The following GFM2 variants were observed in gnomAD, a reference collection of about 807,000 sequenced individuals.
GFM2 encodes the protein GTP dependent ribosome recycling factor mitochondrial 2, also known as ribosome-releasing factor 2, mitochondrial.
GFM2 carries 72 observed loss-of-function variants against 95.4 expected under a neutral mutation model. That is an observed-to-expected ratio of 0.76 (90% confidence interval 0.62 to 0.92). The LOEUF is 0.92. Among genes scored for constraint, GFM2 ranks in the 40% least tolerant of loss-of-function variants. GFM2 has a pLI of 0.00. For missense variants in GFM2, 825 were observed against 924.1 expected (o/e 0.89, Z 1.39); for synonymous variants, 276 against 317.5 (o/e 0.87, Z 1.39).
intron 10 of GFM2, among the ~76,000 whole-genome samples, chr5:74,742,650 A>G (rs927440281): frequency 1.3e-5 from 2 of 151,590 alleles, no homozygotes; most frequent in Admixed American, 6.6e-5. Context: ...AATATACACA[A>G]CATAAAGTTT....
In GFM2 at chr5:74,736,498, C is replaced by A. The variant is rs1742840739; in HGVS notation, c.1510+298G>T. On this transcript the variant is annotated intron_variant, in intron 15 of 20. Transcript: ENST00000296805. Reference sequence around the variant, plus strand: ...GGTTATGAATCAGTTACTGTCTAATCTAATATACTAGAAGGGCAGTTCTAA... The same window carrying A: ...GGTTATGAATCAGTTACTGTCTAATATAATATACTAGAAGGGCAGTTCTAA... 13 of 984,902 alleles carry A rather than the reference C, an allele frequency of 1.3e-5. No individual in the cohort carries two copies. In the Admixed American group the frequency reaches 4.3e-4, roughly 33 times the overall value. 61.0% of individuals were successfully genotyped at this position (984,902 alleles called of 1,614,324 possible). A position where few individuals can be genotyped will look rare whatever the true frequency, so the allele number is the denominator to read the frequency against.
At chr5:74,766,513 A>C (rs1198901412) in intron 1 of GFM2, among the ~76,000 whole-genome samples, 1 of 152,122 alleles carries the variant, frequency 6.6e-6, no homozygotes, top group African/African-American at 2.4e-5. Context: ...CTGGTAGTTA[A>C]TTACTTCTTG....
intron 1 of GFM2, among the ~76,000 whole-genome samples, chr5:74,766,094 C>G (rs1744580163): frequency 6.6e-6 from 1 of 152,186 alleles, no homozygotes; most frequent in South Asian, 2.1e-4. Context: ...TCGCTCGTAC[C>G]CGGGAGTTCG....
chr5:74,751,454 T>C lies in GFM2; in HGVS notation c.344A>G (p.Gln115Arg). 1 of 1,610,932 alleles carries C rather than the reference T, an allele frequency of 6.2e-7. No individual in the cohort carries two copies. The highest frequency in any genetic ancestry group is 8.5e-7 in the Non-Finnish European group (1 of 1,177,124). The change falls in exon 6 of 21, where the codon CAA (glutamine) becomes CGA (arginine). Residue 115 changes from glutamine (Q) to arginine (R), a missense_variant. Gln to Arg is a conservative substitution (Grantham distance 43, BLOSUM62 1). Transcript: ENST00000296805. ...DGDTVTDFMAQERERGITIQS... is the reference protein window; with the variant it reads ...DGDTVTDFMARERERGITIQS... ...AATAGTAATGCCTCTTTCTCGCTCT[T>C]GGGCCATGAAATCTGTCACTGTGTC...
At chr5:74,729,185 G>A (rs1266573896) in intron 17 of GFM2, among the ~76,000 whole-genome samples, 2 of 152,146 alleles carry the variant, frequency 1.3e-5, no homozygotes, top group African/African-American at 4.8e-5. Context: ...GTTTTTCAGG[G>A]CACACTGGTT....
chr5:74,750,750 G>A lies in GFM2; in HGVS notation c.431-83C>T, dbSNP rs1405159446. ...AGCAATCTCACATCTCACTCCTGGG[G>A]AGGGGTGTGTGTGTATATATATGTG... is the stretch of plus-strand genomic sequence containing the variant. On this transcript the variant is annotated intron_variant, in intron 6 of 20. Transcript: ENST00000296805. 24 of 965,614 alleles carry A rather than the reference G, an allele frequency of 2.5e-5. No homozygotes were observed. The East Asian group carries it at 5.6e-4, about 23-fold the overall frequency. The allele number at this position is 965,614 out of a possible 1,614,324, so 59.8% of individuals were successfully genotyped here.
At chr5:74,724,771 T>TA (rs1261967877) in intron 19 of GFM2, among the ~76,000 whole-genome samples, 1 of 152,142 alleles carries the variant, frequency 6.6e-6, no homozygotes, top group African/African-American at 2.4e-5. Flanking sequence ...GTCCAAGTAT[T>TA]AAAAAATGGC....
At chr5:74,746,527 T>A (rs893078597) in intron 8 of GFM2, among the ~76,000 whole-genome samples, 2 of 152,206 alleles carry the variant, frequency 1.3e-5, no homozygotes, top group African/African-American at 4.8e-5. Context: ...AGCCAAGGAT[T>A]CTTTCTTCTA....
At chr5:74,747,388 G>T (rs913394999) in intron 8 of GFM2, among the ~76,000 whole-genome samples, 2 of 152,178 alleles carry the variant, frequency 1.3e-5, no homozygotes, top group Non-Finnish European at 2.9e-5. Flanking sequence ...GACTATACCT[G>T]TGTTCTAAAG....
rs139811846 is a variant in GFM2 at position 74,750,602 on chromosome 5, A to G, written c.496T>C (p.Phe166Leu). The G allele has an allele frequency of 3.1e-6, 5 of 1,612,632 alleles. No homozygotes were observed. The highest frequency in any genetic ancestry group is 1.7e-5 in the Admixed American group (1 of 59,938). Reference sequence around the variant, plus strand: ...ACCTCTACACCAGCAGAGGCATCAAATACAGCCACTGCACCATCCAACACT... The same window carrying G: ...ACCTCTACACCAGCAGAGGCATCAAGTACAGCCACTGCACCATCCAACACT... ...LRVLDGAVAV[F>L]DASAGVEAQT... The change falls in exon 7 of 21, where the codon TTT becomes CTT. Residue 166 changes from phenylalanine to leucine, a missense_variant. Physicochemically the swap from Phe to Leu is conservative, Grantham distance 22. Transcript: ENST00000296805.
intron 9 of GFM2, 100 bp downstream of exon 9, chr5:74,746,005 C>A: frequency 1.8e-6 from 2 of 1,083,898 alleles, no homozygotes; most frequent in Admixed American, 2.7e-5. Context: ...TATACCCCAA[C>A]TTCTTCAAAA....
intron 20 of GFM2, 66 bp downstream of exon 20, chr5:74,722,313 A>G: frequency 1.6e-6 from 2 of 1,239,080 alleles, no homozygotes; most frequent in Non-Finnish European, 2.3e-6. Context: ...CTGATTGTCT[A>G]TTCATTGGCA....
intron 1 of GFM2, among the ~76,000 whole-genome samples, chr5:74,766,493 G>A (rs192035909): frequency 6.6e-6 from 1 of 152,252 alleles, no homozygotes; most frequent in African/African-American, 2.4e-5. Flanking sequence ...TATTTAAGTA[G>A]ACGTACTTTC....
rs1743711301 is a variant in GFM2 at position 74,751,510 on chromosome 5, T to C, written c.305-17A>G. 1 of 1,597,288 alleles carries C rather than the reference T, an allele frequency of 6.3e-7. No homozygotes were observed. The highest frequency in any genetic ancestry group is 1.1e-5 in the South Asian group (1 of 90,632). On this transcript the variant is annotated splice_polypyrimidine_tract_variant and intron_variant, in intron 5 of 20. Coordinates refer to ENST00000296805, the MANE Select transcript of GFM2 (RefSeq NM_032380.5). ...CATCAACATCTAGCCAGGAAAAAGATGATACAGTTTAGTCTTAATAGCAAG... is the reference window on the plus strand; with the variant it reads ...CATCAACATCTAGCCAGGAAAAAGACGATACAGTTTAGTCTTAATAGCAAG...
chr5:74,751,549 T>C, intron 5 of GFM2, 56 bp from the exon 6 acceptor site: 2 of 1,345,908 alleles, frequency 1.5e-6, no homozygotes, highest in East Asian at 2.3e-5. Flanking sequence ...ATTTTATTCG[T>C]GCTCAATATC....
chr5:74,726,159 T>G, intron 17 of GFM2, 33 bp from the exon 18 acceptor site: 1 of 1,524,310 alleles, frequency 6.6e-7, no homozygotes, highest in Non-Finnish European at 8.9e-7. Flanking sequence ...ACCTCAGAGA[T>G]TAATTCTGGA....
At chr5:74,758,779 G>A (rs1392395429) in intron 5 of GFM2, 70 bp downstream of exon 5, 1 of 977,096 alleles carries the variant, frequency 1.0e-6, no homozygotes, top group East Asian at 2.4e-5. Context: ...AAGTTGACTT[G>A]TTAACCAAAA....
At chr5:74,753,100 T>C (rs1743800347) in intron 5 of GFM2, among the ~76,000 whole-genome samples, 1 of 152,110 alleles carries the variant, frequency 6.6e-6, no homozygotes, top group African/African-American at 2.4e-5. Context: ...GAAGGTCAAT[T>C]ATTAAGCTAC....
intron 15 of GFM2, among the ~76,000 whole-genome samples, chr5:74,735,319 T>C (rs907581836): frequency 6.6e-6 from 1 of 152,188 alleles, no homozygotes; most frequent in African/African-American, 2.4e-5. Flanking sequence ...ACATCTATAT[T>C]CAGATTTCTT....
Sources: allele counts gnomAD v4.1 joint callset (sites outside exome capture counted in the v4.1 genomes callset), GRCh38; gene constraint gnomAD v4.1.1; transcripts MANE v1.5; gene names NCBI Gene and HGNC (gene_info 2026-07-23, HGNC 2026-07-21).